The following ZNF69 variants were observed in gnomAD, a reference collection of about 807,000 sequenced individuals.
ZNF69 encodes the protein ZNF3.
ZNF69 carries 47 observed loss-of-function variants against 50.9 expected under a neutral mutation model. That is an observed-to-expected ratio of 0.92 (90% CI 0.73 to 1.18). The LOEUF (loss-of-function observed/expected upper bound fraction) is 1.18. Ranked by LOEUF, ZNF69 falls within the 50% of genes most tolerant of loss-of-function variation. The pLI is 0.00. For missense variants in ZNF69, 717 were observed against 675.1 expected, an observed-to-expected ratio of 1.06 and a Z score of -0.69; for synonymous variants, 216 against 223.1, an observed-to-expected ratio of 0.97 and a Z score of 0.29.
chr19:11,914,581 T>C (rs1282412452), downstream of ZNF69, among the ~76,000 whole-genome samples: 1 of 152,246 alleles, frequency 6.6e-6, no homozygotes, highest in African/African-American at 2.4e-5. Context: ...GATAATGTGC[T>C]GCTGAGGCTA....
Position 11,905,025 on chromosome 19 carries a change from C to T in ZNF69, c.628C>T (p.His210Tyr). Residue 210 changes from histidine (H) to tyrosine (Y), a missense_variant, in exon 4 of 4, where the codon CAC (histidine) becomes TAC (tyrosine). Coordinates refer to ENST00000429654, the MANE Select transcript of ZNF69 (RefSeq NM_001364730.1). ...TFISHSSIQR[H>Y]VVMHSGDGPY... is the part of the protein sequence containing the mutation. ...TATTTCCCATTCAAGCATTCAAAGA[C>T]ACGTGGTAATGCACAGTGGGGATGG... is the stretch of plus-strand genomic sequence containing the variant. 1 of 1,614,156 alleles carries T rather than the reference C, an allele frequency of 6.2e-7. No homozygotes were observed.
chr19:11,920,572 C>G, the ZNF69 span, among the ~76,000 whole-genome samples: 223 of 152,226 alleles, frequency 1.5e-3, no homozygotes, highest in African/African-American at 5.1e-3. Context: ...GCATGGGAAA[C>G]TGTGCCAGGC....
chr19:11,949,666 T>C, the ZNF69 span: 1 of 1,611,846 alleles, frequency 6.2e-7, no homozygotes, highest in African/African-American at 1.4e-5. Flanking sequence ...CTTCAGATGT[T>C]GCAATTCCCT....
chr19:11,965,020 GCA>G, the ZNF69 span: 5 of 631,734 alleles, frequency 7.9e-6, no homozygotes, highest in African/African-American at 5.6e-5. Context: ...GTTTATCCAG[GCA>G]CAGAGTGGGT....
At chr19:11,951,027 G>A in the ZNF69 span, among the ~76,000 whole-genome samples, 16 of 151,118 alleles carry the variant, frequency 1.1e-4, no homozygotes, top group African/African-American at 3.2e-4. Context: ...GGCGCGCACC[G>A]GTAGTCCCAG....
At chr19:11,959,935 G>A in the ZNF69 span, among the ~76,000 whole-genome samples, 1 of 151,614 alleles carries the variant, frequency 6.6e-6, no homozygotes, top group African/African-American at 2.4e-5. Flanking sequence ...TTTTTTCACT[G>A]GTTGCCATTG....
At chr19:11,928,892 C>T in the ZNF69 span, among the ~76,000 whole-genome samples, 5 of 147,192 alleles carry the variant, frequency 3.4e-5, no homozygotes, top group Middle Eastern at 3.2e-3. Flanking sequence ...CCAGCCTGGG[C>T]AACATATTGA....
chr19:11,936,962 T>G, the ZNF69 span, among the ~76,000 whole-genome samples: 1 of 152,230 alleles, frequency 6.6e-6, no homozygotes, highest in Non-Finnish European at 1.5e-5. Context: ...CCCCATTTGT[T>G]GTTTTTGTCA....
At chr19:11,975,230 G>A in the ZNF69 span, among the ~76,000 whole-genome samples, 1 of 151,434 alleles carries the variant, frequency 6.6e-6, no homozygotes, top group Non-Finnish European at 1.5e-5. Context: ...CTCCTGAGTA[G>A]CTGAGATAAA....
chr19:11,951,982 C>G, the ZNF69 span, among the ~76,000 whole-genome samples: 1 of 152,174 alleles, frequency 6.6e-6, no homozygotes, highest in Admixed American at 6.5e-5. Flanking sequence ...TGAGACCAGC[C>G]TGACCAATAT....
At chr19:11,973,770 G>C in the ZNF69 span, among the ~76,000 whole-genome samples, 1 of 150,400 alleles carries the variant, frequency 6.6e-6, no homozygotes, top group Non-Finnish European at 1.5e-5. Context: ...GTTTTTGGCA[G>C]TTATGAGTAA....
the ZNF69 span, among the ~76,000 whole-genome samples, chr19:11,974,125 CTTTT>C: frequency 2.1e-4 from 13 of 60,914 alleles, no homozygotes; most frequent in Admixed American, 5.2e-4. Flanking sequence ...TTCTTTCTTT[CTTTT>C]CTTTCTTTCT....
chr19:11,928,600 C>T, the ZNF69 span, among the ~76,000 whole-genome samples: 78 of 148,472 alleles, frequency 5.3e-4, 1 homozygote, highest in East Asian at 0.013. Context: ...GGCGTAGTGG[C>T]GGGCGCCTGT....
At chr19:11,897,288 G>A (rs374950551) in intron 1 of ZNF69, among the ~76,000 whole-genome samples, 6 of 152,120 alleles carry the variant, frequency 3.9e-5, no homozygotes, top group African/African-American at 7.2e-5. Flanking sequence ...CCAAGGTGGC[G>A]GTGAGCCAAG....
chr19:11,916,224 T>A (rs1004221857), downstream of ZNF69, among the ~76,000 whole-genome samples: 1 of 152,152 alleles, frequency 6.6e-6, no homozygotes, highest in Non-Finnish European at 1.5e-5. Context: ...GGTACTGAAC[T>A]TGTAAGTAAA....
chr19:11,948,346 C>T, the ZNF69 span: 8 of 1,613,902 alleles, frequency 5.0e-6, no homozygotes, highest in South Asian at 3.3e-5. Flanking sequence ...TACCCAGGTT[C>T]CAGATGACAG....
the ZNF69 span, among the ~76,000 whole-genome samples, chr19:11,960,450 C>A: frequency 1.3e-5 from 2 of 152,072 alleles, no homozygotes; most frequent in Non-Finnish European, 2.9e-5. Context: ...AGCTTTCTGC[C>A]CAGATAATTT....
At chr19:11,941,111 T>C in the ZNF69 span, among the ~76,000 whole-genome samples, 2 of 152,304 alleles carry the variant, frequency 1.3e-5, no homozygotes, top group East Asian at 1.9e-4. Context: ...CACAGGGTGC[T>C]GATTGGTGTG....
the ZNF69 span, among the ~76,000 whole-genome samples, chr19:11,964,204 G>A: frequency 7.9e-5 from 12 of 152,322 alleles, no homozygotes; most frequent in Admixed American, 2.6e-4. Flanking sequence ...AGCAGCTCCA[G>A]AAGGAGTGTG....
Sources: allele counts gnomAD v4.1 joint callset (sites outside exome capture counted in the v4.1 genomes callset), GRCh38; gene constraint gnomAD v4.1.1; transcripts MANE v1.5; gene names NCBI Gene and HGNC (gene_info 2026-07-23, HGNC 2026-07-21).